Variants in ITGB5 observed in about 807,000 individuals in gnomAD.
ITGB5 encodes integrin beta-5.
ITGB5 carries 38 observed loss-of-function variants against 84.8 expected under a neutral mutation model. That is an observed-to-expected ratio of 0.45 (90% CI 0.35 to 0.59). ITGB5 has a LOEUF of 0.59. ITGB5 is among the 20% of genes least tolerant of loss of function. The pLI, the probability that ITGB5 is intolerant of heterozygous loss-of-function variation, is 0.01. For synonymous variants in ITGB5, 393 were observed against 414.4 expected, an observed-to-expected ratio of 0.95 and a Z score of 0.63; for missense variants, 905 against 1,034.5, an observed-to-expected ratio of 0.87 and a Z score of 1.72.
rs573753056 is a variant in ITGB5 at position 124,885,508 on chromosome 3, A to G, written c.70+1423T>C. Among the ~76,000 whole-genome samples the G allele has an allele frequency of 3.0e-4, 46 of 152,304 alleles. 1 individual carries two copies. The highest frequency in any genetic ancestry group is 5.9e-4 in the Non-Finnish European group (40 of 68,028). On this transcript the variant is annotated intron_variant, in intron 1 of 14. Transcript: ENST00000296181. ...ATTTTGCCAAAATTAAAAACTACTA[A>G]TATTATTAAGAAGTATTAAAAGAAA...
intron 9 of ITGB5, among the ~76,000 whole-genome samples, chr3:124,803,370 G>C (rs2064345256): frequency 6.6e-6 from 1 of 152,108 alleles, no homozygotes; most frequent in South Asian, 2.1e-4. Flanking sequence ...CCCACTTTGA[G>C]TCTCAGTTTT....
intron 6 of ITGB5, among the ~76,000 whole-genome samples, 161 bp downstream of exon 6, chr3:124,821,152 T>G (rs766411687): frequency 6.6e-6 from 1 of 152,224 alleles, no homozygotes; most frequent in Non-Finnish European, 1.5e-5. Context: ...GGAAACCCAG[T>G]TGGAGAAGAC....
chr3:124,863,841 GA>G (rs1268353250), intron 2 of ITGB5, among the ~76,000 whole-genome samples: 3 of 151,868 alleles, frequency 2.0e-5, no homozygotes, highest in African/African-American at 7.3e-5. Context: ...AACAAGGATA[GA>G]TGCATATTTA....
chr3:124,808,989 C>A, intron 9 of ITGB5, 33 bp downstream of exon 9: 6 of 1,607,492 alleles, frequency 3.7e-6, no homozygotes, highest in Non-Finnish European at 5.1e-6. Flanking sequence ...CCAATGCTAA[C>A]AAGAGTTCAT....
At chr3:124,859,814 G>A (rs2065271879) in intron 2 of ITGB5, among the ~76,000 whole-genome samples, 1 of 152,186 alleles carries the variant, frequency 6.6e-6, no homozygotes, top group South Asian at 2.1e-4. Context: ...TGGGCATGGT[G>A]GCTCATGCCT....
chr3:124,772,265 C>A (rs565195634), intron 11 of ITGB5, among the ~76,000 whole-genome samples: 31 of 152,314 alleles, frequency 2.0e-4, no homozygotes, highest in African/African-American at 6.3e-4. Context: ...TACTCTCCCC[C>A]ATCTCCTCCA....
chr3:124,806,830 T>C (rs1033968888), intron 9 of ITGB5, among the ~76,000 whole-genome samples: 3 of 151,588 alleles, frequency 2.0e-5, no homozygotes, highest in African/African-American at 7.3e-5. Flanking sequence ...TGAGCAATCA[T>C]TATAATGGAT....
chr3:124,802,747 G>A (rs1470617495), intron 9 of ITGB5, among the ~76,000 whole-genome samples: 1 of 152,244 alleles, frequency 6.6e-6, no homozygotes, highest in East Asian at 1.9e-4. Flanking sequence ...TGCCTCTCCT[G>A]GCCTGCATGG....
At chr3:124,878,393 A>G (rs1559984320) in intron 1 of ITGB5, among the ~76,000 whole-genome samples, 1 of 152,262 alleles carries the variant, frequency 6.6e-6, no homozygotes. Context: ...GAACAACTGT[A>G]AAACAATTTG....
At chr3:124,878,767 G>A (rs1038773055) in intron 1 of ITGB5, 4 of 152,144 alleles carry the variant, frequency 2.6e-5, no homozygotes, top group African/African-American at 9.7e-5. Flanking sequence ...TTTGGACTTT[G>A]CTGGATGAGT....
At chr3:124,835,180 G>T (rs913648631) in intron 5 of ITGB5, among the ~76,000 whole-genome samples, 3 of 150,942 alleles carry the variant, frequency 2.0e-5, no homozygotes, top group African/African-American at 7.3e-5. Flanking sequence ...CCCTGTTCAC[G>T]ATACTGAGTT....
intron 8 of ITGB5, among the ~76,000 whole-genome samples, chr3:124,810,160 C>A (rs12630372): frequency 0.029 from 4,383 of 152,100 alleles, 206 homozygotes; most frequent in East Asian, 0.21. Context: ...GAATACCATA[C>A]AGTAATGAGA....
At chr3:124,827,785 T>A (rs2064803893) in intron 5 of ITGB5, among the ~76,000 whole-genome samples, 1 of 152,114 alleles carries the variant, frequency 6.6e-6, no homozygotes, top group Non-Finnish European at 1.5e-5. Flanking sequence ...ACTGATGACA[T>A]TCCACCACAA....
intron 3 of ITGB5, among the ~76,000 whole-genome samples, chr3:124,850,181 A>G (rs2065131994): frequency 6.6e-6 from 1 of 152,080 alleles, no homozygotes; most frequent in South Asian, 2.1e-4. Flanking sequence ...CACCGTGACA[A>G]CAAGGCATAT....
chr3:124,866,420 C>T (rs1015667228), intron 2 of ITGB5, among the ~76,000 whole-genome samples: 2 of 152,222 alleles, frequency 1.3e-5, no homozygotes, highest in Admixed American at 1.3e-4. Context: ...TATTTGAGTG[C>T]CATCCTGCCT....
intron 1 of ITGB5, chr3:124,878,796 A>G (rs1934444084): frequency 6.6e-6 from 1 of 152,224 alleles, no homozygotes; most frequent in African/African-American, 2.4e-5. Context: ...ACCAATAAGC[A>G]TTTTGAAAAG....
chr3:124,817,692 G>GT lies in ITGB5; in HGVS notation c.1056dup (p.Pro353ThrfsTer21). 6.3e-7 allele frequency: 1 copy of GT among 1,581,544 alleles called. No individual in the cohort carries two copies. Among genetic ancestry groups the GT allele is most frequent in the Non-Finnish European group, 8.6e-7 (1 of 1,164,848 alleles). ...TCTAAAATCTCCACCGTTGTTCCAG[G>GT]TATCAGGGCTGTAAAATTCTTGGGA... On this transcript the variant is annotated frameshift_variant, in exon 8 of 15. Coordinates refer to ENST00000296181, the MANE Select transcript of ITGB5 (RefSeq NM_002213.5). LOFTEE classifies it high-confidence loss of function.
At chr3:124,892,051 T>C (rs1935012341), upstream of ITGB5, among the ~76,000 whole-genome samples, 1 of 152,076 alleles carries the variant, frequency 6.6e-6, no homozygotes. Context: ...ATAGGCCATA[T>C]AGAAAAGGAC....
At chr3:124,778,263 C>T (rs750995545) in intron 10 of ITGB5, among the ~76,000 whole-genome samples, 12 of 152,218 alleles carry the variant, frequency 7.9e-5, no homozygotes, top group Admixed American at 2.6e-4. Context: ...TGATTGATAG[C>T]CAAATGGACA....
Sources: allele counts gnomAD v4.1 joint callset (sites outside exome capture counted in the v4.1 genomes callset), GRCh38; gene constraint gnomAD v4.1.1; transcripts MANE v1.5; gene names NCBI Gene and HGNC (gene_info 2026-07-23, HGNC 2026-07-21).